The following TDRP variants were observed in gnomAD, a reference collection of about 807,000 sequenced individuals.
The protein encoded by TDRP is testis development-related protein.
In TDRP, 12 loss-of-function variants were observed where a neutral mutation model predicts 10.5. The ratio of observed to expected loss-of-function variants is 1.15; its 90% CI spans 0.73 to 1.86. The LOEUF (loss-of-function observed/expected upper bound fraction) is 1.86, where lower values mean the gene tolerates loss of function less well. TDRP is among the 40% of genes most tolerant of loss of function. TDRP has a pLI of 0.00. For synonymous variants in TDRP, 139 were observed against 95.4 expected, an observed-to-expected ratio of 1.46 and a Z score of -2.67; for missense variants, 353 against 229.2, an observed-to-expected ratio of 1.54 and a Z score of -3.49.
At chr8:521,406 G>C (rs1182067050) in intron 1 of TDRP, among the ~76,000 whole-genome samples, 1 of 151,682 alleles carries the variant, frequency 6.6e-6, no homozygotes, top group Non-Finnish European at 1.5e-5. Flanking sequence ...AAGAGAGAGA[G>C]ATGCCGTCCC....
intron 1 of TDRP, among the ~76,000 whole-genome samples, chr8:516,638 C>A (rs996745065): frequency 6.6e-6 from 1 of 152,158 alleles, no homozygotes; most frequent in African/African-American, 2.4e-5. Context: ...GCAGCAGGAA[C>A]TCTCGTTCAC....
At chr8:534,914 A>G (rs1249371871) in intron 1 of TDRP, among the ~76,000 whole-genome samples, 1 of 152,160 alleles carries the variant, frequency 6.6e-6, no homozygotes, top group Admixed American at 6.5e-5. Context: ...CACCAGTATC[A>G]TTATCCAGGA....
chr8:508,961 G>T (rs1801538281), intron 1 of TDRP, among the ~76,000 whole-genome samples: 1 of 152,204 alleles, frequency 6.6e-6, no homozygotes, highest in Non-Finnish European at 1.5e-5. Flanking sequence ...AAACAAAGGG[G>T]CTACAGGCCC....
chr8:503,585 A>C (rs780029575), intron 1 of TDRP, among the ~76,000 whole-genome samples: 1 of 143,260 alleles, frequency 7.0e-6, no homozygotes, highest in Non-Finnish European at 1.5e-5. Flanking sequence ...CCAAAGCCAC[A>C]CATCAGAACC....
intron 1 of TDRP, among the ~76,000 whole-genome samples, chr8:518,988 G>T (rs1442807095): frequency 2.6e-5 from 4 of 152,162 alleles, no homozygotes; most frequent in Admixed American, 6.5e-5. Flanking sequence ...CTTCAGGATG[G>T]AGTCTGTCAC....
intron 1 of TDRP, among the ~76,000 whole-genome samples, chr8:521,571 A>C (rs1357066348): frequency 1.3e-5 from 2 of 152,046 alleles, no homozygotes; most frequent in Non-Finnish European, 2.9e-5. Context: ...ATTTCTCTCT[A>C]CTCTGTTCCA....
In TDRP at chr8:531,140, C is replaced by CA. The variant is rs377509589; in HGVS notation, c.108+13509dup. The stretch of plus-strand genomic sequence containing the variant: ...TACTACCAATCATGCCAAGCTGTGC[C>CA]ACCTTCAGGGAAAGGCAGGTGAAAT... On this transcript the variant is annotated intron_variant, in intron 1 of 2. Coordinates refer to ENST00000324079, the MANE Select transcript of TDRP (RefSeq NM_001384899.1). Among the ~76,000 whole-genome samples, 226 of 152,284 alleles carry CA rather than the reference C, an allele frequency of 1.5e-3. 1 individual carries two copies. The highest frequency in any genetic ancestry group is 5.2e-3 in the African/African-American group (218 of 41,548).
Position 491,736 on chromosome 8 carries a change from G to A in TDRP, c.*663C>T. On this transcript the variant is annotated 3_prime_UTR_variant, in exon 3 of 3. Transcript: ENST00000324079. Reference sequence around the variant, plus strand: ...GGGACCGATTTAGAAGTTCAAAAGAGGTAAAAATAAAATTCCAAAAAAGAA... The same window carrying A: ...GGGACCGATTTAGAAGTTCAAAAGAAGTAAAAATAAAATTCCAAAAAAGAA... 3.5e-6 allele frequency: 5 copies of A among 1,422,010 alleles called. No individual in the cohort carries two copies. The highest frequency in any genetic ancestry group is 3.2e-5 in the South Asian group (2 of 62,278). The allele number at this position is 1,422,010 out of a possible 1,614,324, so 88.1% of individuals were successfully genotyped here. A position where few individuals can be genotyped will look rare whatever the true frequency, so the allele number is the denominator to read the frequency against.
At chr8:532,096 C>T (rs1802216503) in intron 1 of TDRP, among the ~76,000 whole-genome samples, 1 of 152,182 alleles carries the variant, frequency 6.6e-6, no homozygotes, top group Non-Finnish European at 1.5e-5. Context: ...AGGTTCTTGC[C>T]TTTAATTCCT....
intron 2 of TDRP, among the ~76,000 whole-genome samples, chr8:494,130 A>AT (rs36052358): frequency 0.31 from 44,767 of 143,802 alleles, 7,868 homozygotes; most frequent in Middle Eastern, 0.42. Flanking sequence ...CTAATTTCTG[A>AT]TTTTTTTTTT....
Position 531,838 on chromosome 8 carries a change from A to G in TDRP, c.108+12812T>C, listed in dbSNP as rs1802208318. ...CTAAAAGGAGATGTGAGTAGTTACA[A>G]GAAAACATTGAATCACACCACATAT... On this transcript the variant is annotated intron_variant, in intron 1 of 2. Coordinates refer to ENST00000324079, the MANE Select transcript of TDRP (RefSeq NM_001384899.1). Among the ~76,000 whole-genome samples the G allele has an allele frequency of 1.3e-5, 2 of 152,240 alleles. 1 individual carries two copies. The highest frequency in any genetic ancestry group is 4.1e-4 in the South Asian group (2 of 4,836).
At position 492,102 on chromosome 8, in the gene TDRP, T is replaced by A; in HGVS notation, c.*297A>T. ...AAATCATTTTGTGAGAAACTGCAAA[T>A]CATTACTGCTGTATTATGGGAGAGC... is the stretch of plus-strand genomic sequence containing the variant. On this transcript the variant is annotated 3_prime_UTR_variant, in exon 3 of 3. Coordinates refer to ENST00000324079, the MANE Select transcript of TDRP (RefSeq NM_001384899.1). The A allele has an allele frequency of 8.3e-7, 1 of 1,198,284 alleles. No individual in the cohort carries two copies. The highest frequency in any genetic ancestry group is 1.0e-6 in the Non-Finnish European group (1 of 966,986). The allele number at this position is 1,198,284 out of a possible 1,614,324, so 74.2% of individuals were successfully genotyped here.
chr8:522,512 G>A (rs980226423), intron 1 of TDRP, among the ~76,000 whole-genome samples: 28 of 152,262 alleles, frequency 1.8e-4, no homozygotes, highest in Admixed American at 2.6e-4. Flanking sequence ...ATCTCAAGTC[G>A]TAAAACATGT....
At chr8:501,455 T>G (rs1190751978) in intron 1 of TDRP, among the ~76,000 whole-genome samples, 2 of 151,698 alleles carry the variant, frequency 1.3e-5, no homozygotes, top group Non-Finnish European at 2.9e-5. Flanking sequence ...CAAGCAATTC[T>G]CCTGCCTCAG....
At chr8:503,745 A>T (rs1584857743) in intron 1 of TDRP, among the ~76,000 whole-genome samples, 2 of 148,450 alleles carry the variant, frequency 1.3e-5, no homozygotes, top group East Asian at 2.0e-4. Context: ...ACCCGTGCCC[A>T]CCTCAGCACG....
chr8:499,936 C>T (rs905152197), intron 1 of TDRP, among the ~76,000 whole-genome samples: 2 of 152,218 alleles, frequency 1.3e-5, no homozygotes, highest in African/African-American at 4.8e-5. Context: ...GAAAGTTCTC[C>T]TCTTCCACGG....
Position 519,432 on chromosome 8 carries a change from GATACCTATGAC to G in TDRP, c.109-24846_109-24836del, listed in dbSNP as rs1391270680. On this transcript the variant is annotated intron_variant, in intron 1 of 2. Coordinates refer to ENST00000324079, the MANE Select transcript of TDRP (RefSeq NM_001384899.1). ...GCTGAGTAGAAGCAAGGGTAGCATG[GATACCTATGAC>G]ATCAACTCTACCATCTTAACTACCT... Among the ~76,000 whole-genome samples the G allele has an allele frequency of 5.9e-5, 9 of 152,244 alleles. 1 individual carries two copies. The highest frequency in any genetic ancestry group is 9.6e-5 in the African/African-American group (4 of 41,548).
intron 1 of TDRP, among the ~76,000 whole-genome samples, chr8:496,595 C>G (rs762192240): frequency 6.6e-6 from 1 of 152,224 alleles, no homozygotes; most frequent in Non-Finnish European, 1.5e-5. Flanking sequence ...TGTGTCCCAA[C>G]ACCACAAGCC....
intron 1 of TDRP, among the ~76,000 whole-genome samples, chr8:539,784 C>T (rs1009990397): frequency 2.9e-4 from 44 of 152,152 alleles, no homozygotes; most frequent in African/African-American, 1.0e-3. Context: ...TCCCAGACAC[C>T]ACTAAAGCAA....
Sources: allele counts gnomAD v4.1 joint callset (sites outside exome capture counted in the v4.1 genomes callset), GRCh38; gene constraint gnomAD v4.1.1; transcripts MANE v1.5; gene names NCBI Gene and HGNC (gene_info 2026-07-23, HGNC 2026-07-21).